The following EEF2 variants were observed in gnomAD, a reference collection of about 807,000 sequenced individuals.
EEF2 encodes elongation factor 2.
Under a neutral mutation model 85.3 loss-of-function variants are expected in EEF2, and 21 were observed. The observed-to-expected ratio is 0.25, with a 90% CI of 0.17 to 0.35. EEF2 has a LOEUF of 0.35. Among genes scored for constraint, EEF2 ranks in the 10% least tolerant of loss-of-function variants. EEF2 has a pLI of 1.00. For synonymous variants in EEF2, 723 were observed against 508.8 expected (o/e 1.42, Z -5.67); for missense variants, 825 against 1,225.3 (o/e 0.67, Z 4.88).
At chr19:3,976,771 A>G in intron 14 of EEF2, 24 bp from the exon 15 acceptor site, 4 of 1,518,718 alleles carry the variant, frequency 2.6e-6, no homozygotes, top group East Asian at 4.6e-5. Context: ...CGAGAGGCTC[A>G]CTGGGCCATC....
At position 3,977,655 on chromosome 19, in the gene EEF2, G is replaced by C. The variant is rs1224954057; in HGVS notation, c.2068-45C>G. Reference sequence around the variant, plus strand: ...ACCGTCAAGGGCCGGACACACCTCGGCTGCTTGCCCTCCACCTGCCAAGTC... The same window carrying C: ...ACCGTCAAGGGCCGGACACACCTCGCCTGCTTGCCCTCCACCTGCCAAGTC... On this transcript the variant is annotated intron_variant, in intron 12 of 14. Transcript: ENST00000309311. The surrounding 1 kb of genome is among the most constrained non-coding windows in gnomAD (Gnocchi z 5.4). 1 of 1,478,990 alleles carries C rather than the reference G, an allele frequency of 6.8e-7. No individual in the cohort carries two copies. The highest frequency in any genetic ancestry group is 8.9e-7 in the Non-Finnish European group (1 of 1,120,794). 91.6% of individuals were successfully genotyped at this position (1,478,990 alleles called of 1,614,324 possible). A position where few individuals can be genotyped will look rare whatever the true frequency, so the allele number is the denominator to read the frequency against.
intron 9 of EEF2, 86 bp downstream of exon 9, chr19:3,980,428 T>TA (rs1389235500): frequency 6.8e-7 from 1 of 1,465,218 alleles, no homozygotes; most frequent in Admixed American, 2.2e-5. Context: ...TCCTTACTTC[T>TA]AGCTCCCGAC....
Position 3,977,758 on chromosome 19 carries a change from C to A in EEF2, c.2067+61G>T, listed in dbSNP as rs953669370. Reference sequence around the variant, plus strand: ...GGGTCTCTGTCTCGGGAGGCAGGACCATGAGGTCCCTCTAGAGCCTGGAAA... The same window carrying A: ...GGGTCTCTGTCTCGGGAGGCAGGACAATGAGGTCCCTCTAGAGCCTGGAAA... On this transcript the variant is annotated intron_variant, in intron 12 of 14. Transcript: ENST00000309311. This position sits in a 1 kb window ranked among gnomAD's most constrained non-coding sequence, Gnocchi z 5.4. 1 of 1,504,784 alleles carries A rather than the reference C, an allele frequency of 6.6e-7. No individual in the cohort carries two copies. The highest frequency in any genetic ancestry group is 8.9e-7 in the Non-Finnish European group (1 of 1,127,782). The allele number at this position is 1,504,784 out of a possible 1,614,324, so 93.2% of individuals were successfully genotyped here.
At position 3,982,346 on chromosome 19, in the gene EEF2, T is replaced by G; in HGVS notation, c.691A>C (p.Met231Leu). 1 of 1,614,020 alleles carries G rather than the reference T, an allele frequency of 6.2e-7. No individual in the cohort carries two copies. Among genetic ancestry groups the G allele is most frequent in the Non-Finnish European group, 8.5e-7 (1 of 1,180,014 alleles). ...WAFTLKQFAE[M>L]YVAKFAAKGE... The stretch of plus-strand genomic sequence containing the variant: ...TTGGCGGCGAACTTGGCCACATACA[T>G]CTCGGCAAACTGCTTCAGGGTGAAG... The change falls in exon 5 of 15, where the codon ATG (methionine) becomes CTG (leucine). Residue 231 changes from methionine (M) to leucine (L), a missense_variant. Met to Leu is a conservative substitution (Grantham distance 15, BLOSUM62 2). Coordinates refer to ENST00000309311, the MANE Select transcript of EEF2 (RefSeq NM_001961.4).
At chr19:3,981,107 T>C (rs2145361836) in intron 7 of EEF2, 128 bp from the exon 8 acceptor site, 7 of 1,421,070 alleles carry the variant, frequency 4.9e-6, no homozygotes, top group Admixed American at 2.5e-5. Context: ...CACAGTCCCT[T>C]CTGGAAGGCG....
intron 2 of EEF2, 84 bp from the exon 3 acceptor site, chr19:3,983,375 C>A: frequency 1.4e-6 from 2 of 1,434,434 alleles, no homozygotes; most frequent in Non-Finnish European, 9.5e-7. Flanking sequence ...AGCCAGGCTG[C>A]TCCTCCCTCC....
chr19:3,983,917 A>C (rs2039787578), intron 2 of EEF2: 1 of 582,442 alleles, frequency 1.7e-6, no homozygotes, highest in Admixed American at 3.0e-5. Flanking sequence ...CCACGGAGTT[A>C]AGCCCCCTCC....
Position 3,979,976 on chromosome 19 carries a change from C to T in EEF2, c.1437G>A (p.Leu479=). The change falls in exon 10 of 15, where the codon CTG becomes CTA. Residue 479 remains leucine, a synonymous_variant. Transcript: ENST00000309311. ...AGGTGGTGATGGTGCCCGTCTTCAC[C>T]AGGAACTGGTCCACGCCCACGAGGC... ...IVGLVGVDQF[L]VKTGTITTFE... 6.2e-7 allele frequency: 1 copy of T among 1,613,922 alleles called. No homozygotes were observed. Among genetic ancestry groups the T allele is most frequent in the Non-Finnish European group, 8.5e-7 (1 of 1,180,050 alleles).
At position 3,984,127 on chromosome 19, in the gene EEF2, G is replaced by T; in HGVS notation, c.218+9C>A. 3 of 1,613,246 alleles carry T rather than the reference G, an allele frequency of 1.9e-6. No homozygotes were observed. Among genetic ancestry groups the T allele is most frequent in the Non-Finnish European group, 2.5e-6 (3 of 1,179,594 alleles). On this transcript the variant is annotated intron_variant, in intron 2 of 14. Coordinates refer to ENST00000309311, the MANE Select transcript of EEF2 (RefSeq NM_001961.4). ...CCCTGCCTGGGTACAGAGGGCACAG[G>T]GAGCTCACGTTGACTTGATGGTGAT...
At chr19:3,980,400 C>G in intron 9 of EEF2, 114 bp downstream of exon 9, 5 of 1,311,372 alleles carry the variant, frequency 3.8e-6, no homozygotes, top group Non-Finnish European at 5.2e-6. Flanking sequence ...CAAGTATCAC[C>G]CTATATTCCT....
chr19:3,976,671 C>T lies in EEF2; in HGVS notation c.2460G>A (p.Leu820=), dbSNP rs145279867. ...TGCTGTTGTCGAAGGGGTCTCCGGG[C>T]AGGATCTGCCAGTGGTCAAACACAC... is the stretch of plus-strand genomic sequence containing the variant. ...PQCVFDHWQI[L]PGDPFDNSSR... The change falls in exon 15 of 15, where the codon CTG becomes CTA. Residue 820 remains leucine, a synonymous_variant. Transcript: ENST00000309311. The T allele has an allele frequency of 6.2e-7, 1 of 1,608,440 alleles. No individual in the cohort carries two copies. The highest frequency in any genetic ancestry group is 8.5e-7 in the Non-Finnish European group (1 of 1,178,558).
In EEF2 at chr19:3,981,273, C is replaced by A. The variant is rs1599194914; in HGVS notation, c.1011+66G>T. On this transcript the variant is annotated intron_variant, in intron 7 of 14. Transcript: ENST00000309311. Reference sequence around the variant, plus strand: ...GAGGACTTCAGCCCCCAGGCCTGGGCTGTCAGAGCATCCGGAAACAGCAGC... The same window carrying A: ...GAGGACTTCAGCCCCCAGGCCTGGGATGTCAGAGCATCCGGAAACAGCAGC... The A allele has an allele frequency of 4.7e-6, 7 of 1,495,044 alleles. No homozygotes were observed. In the East Asian group the frequency reaches 1.6e-4, roughly 34 times the overall value. 92.6% of individuals were successfully genotyped at this position (1,495,044 alleles called of 1,614,324 possible).
At chr19:3,976,918 AT>A (rs758046915) in intron 14 of EEF2, among the ~76,000 whole-genome samples, 171 bp from the exon 15 acceptor site, 8 of 152,234 alleles carry the variant, frequency 5.3e-5, no homozygotes, top group Non-Finnish European at 1.2e-4. Context: ...CATGGGCCTC[AT>A]GCCGCTGCTC....
In EEF2 at chr19:3,977,671, C is replaced by G; in HGVS notation, c.2068-61G>C. Reference sequence around the variant, plus strand: ...CACACCTCGGCTGCTTGCCCTCCACCTGCCAAGTCCTGCAGGTCTCCACCA... The same window carrying G: ...CACACCTCGGCTGCTTGCCCTCCACGTGCCAAGTCCTGCAGGTCTCCACCA... On this transcript the variant is annotated intron_variant, in intron 12 of 14. Coordinates refer to ENST00000309311, the MANE Select transcript of EEF2 (RefSeq NM_001961.4). The surrounding 1 kb of genome is among the most constrained non-coding windows in gnomAD (Gnocchi z 5.4). 6.8e-7 allele frequency: 1 copy of G among 1,474,638 alleles called. No homozygotes were observed. 91.3% of individuals were successfully genotyped at this position (1,474,638 alleles called of 1,614,324 possible).
chr19:3,979,873 G>C lies in EEF2; in HGVS notation c.1540C>G (p.Pro514Ala). Residue 514 changes from proline (P) to alanine (A), a missense_variant, in exon 10 of 15, where the codon CCG (proline) becomes GCG (alanine). Pro to Ala is a conservative substitution (Grantham distance 27). Transcript: ENST00000309311. ...TCCACCAGCTTGGGCAGGTCAGCCGGGTTCTTGGCCTCCACGGCCACTCTG... is the reference window on the plus strand; with the variant it reads ...TCCACCAGCTTGGGCAGGTCAGCCGCGTTCTTGGCCTCCACGGCCACTCTG... ...VVRVAVEAKNPADLPKLVEGL... is the reference protein window; with the variant it reads ...VVRVAVEAKNAADLPKLVEGL... 6.2e-7 allele frequency: 1 copy of C among 1,613,770 alleles called. No individual in the cohort carries two copies.
At chr19:3,982,675 A>C in intron 4 of EEF2, 132 bp downstream of exon 4, 3 of 1,167,474 alleles carry the variant, frequency 2.6e-6, no homozygotes, top group Non-Finnish European at 3.7e-6. Flanking sequence ...AAAACATTCC[A>C]GCCCCCTTCT....
Position 3,977,346 on chromosome 19 carries a change from C to G in EEF2, c.2252G>C (p.Cys751Ser), listed in dbSNP as rs1468041127. The change falls in exon 14 of 15, where the codon TGT becomes TCT. Residue 751 changes from cysteine to serine, a missense_variant and splice_region_variant. Transcript: ENST00000309311. This position sits in a 1 kb window ranked among gnomAD's most constrained non-coding sequence, Gnocchi z 5.4. The part of the protein sequence containing the change: ...MEPIYLVEIQ[C>S]PEQVVGGIYG... ...GATGCCACCGACCACCTGCTCTGGA[C>G]ACTGCCAGAAGGGAAAGAAAACCTG... 5 of 1,591,790 alleles carry G rather than the reference C, an allele frequency of 3.1e-6. No individual in the cohort carries two copies. The highest frequency in any genetic ancestry group is 4.6e-5 in the East Asian group (2 of 43,924).
At chr19:3,979,632 G>A (rs547844876) in intron 10 of EEF2, among the ~76,000 whole-genome samples, 176 bp downstream of exon 10, 3 of 152,366 alleles carry the variant, frequency 2.0e-5, no homozygotes, top group East Asian at 1.9e-4. Flanking sequence ...AGCAGCCTAG[G>A]AGAGGGTGGT....
At chr19:3,982,514 C>T (rs373278297) in intron 4 of EEF2, 90 bp from the exon 5 acceptor site, 98 of 1,503,350 alleles carry the variant, frequency 6.5e-5, no homozygotes, top group African/African-American at 5.4e-4. Flanking sequence ...GGGCCTCAGA[C>T]GCAGGCTTTC....
Sources: allele counts gnomAD v4.1 joint callset (sites outside exome capture counted in the v4.1 genomes callset), GRCh38; gene constraint gnomAD v4.1.1; non-coding constraint Gnocchi (gnomAD v3.1); transcripts MANE v1.5; gene names NCBI Gene and HGNC (gene_info 2026-07-23, HGNC 2026-07-21).